Variants in TOMM22 observed in about 807,000 individuals in gnomAD.
TOMM22 encodes the protein mitochondrial import receptor subunit TOM22 homolog.
A neutral mutation model predicts 17.1 loss-of-function variants in TOMM22; 3 were observed. The observed-to-expected ratio is 0.18, with a 90% CI of 0.08 to 0.45. TOMM22 has a LOEUF of 0.45. Ranked by LOEUF, TOMM22 falls within the 20% of genes least tolerant of loss-of-function variation. The pLI is 0.99. For missense variants in TOMM22, 159 were observed against 179.5 expected (o/e 0.89, Z 0.65); for synonymous variants, 91 against 74.0 (o/e 1.23, Z -1.18).
rs1211911196 is a variant in TOMM22, at chr22:38,682,339, C to T, written c.134C>T (p.Ser45Leu). ...DDDEELDETL[S>L]ERLWGLTEMF... is the part of the protein sequence containing the mutation. ...CCACCACAGCTAGATGAGACCCTGTCGGAGAGACTATGGGGCCTGACGGAG... is the reference window on the plus strand; with the variant it reads ...CCACCACAGCTAGATGAGACCCTGTTGGAGAGACTATGGGGCCTGACGGAG... Residue 45 changes from serine (S) to leucine (L), a missense_variant, in exon 2 of 4, where the codon TCG becomes TTG. By Grantham distance (145) the Ser-to-Leu change is moderately radical. This residue lies in a region of TOMM22 where 107 missense variants were observed against 100.2 expected (regional missense o/e 1.07). Transcript: ENST00000216034. 1.9e-6 allele frequency: 3 copies of T among 1,614,066 alleles called. No homozygotes were observed. The highest frequency in any genetic ancestry group is 2.7e-5 in the African/African-American group (2 of 74,932).
chr22:38,682,652 AAGG>A (rs756988924), intron 2 of TOMM22, among the ~76,000 whole-genome samples: 17 of 151,984 alleles, frequency 1.1e-4, no homozygotes, highest in Non-Finnish European at 2.4e-4. Context: ...ATTAATGAAT[AAGG>A]AGCTTTGTAA....
chr22:38,682,585 A>T, intron 2 of TOMM22, 144 bp downstream of exon 2: 1 of 746,916 alleles, frequency 1.3e-6, no homozygotes, highest in Non-Finnish European at 2.2e-6. Flanking sequence ...CTTCTGTAAA[A>T]TGGGGATTCT....
Position 38,682,096 on chromosome 22 carries a change from G to T in TOMM22, c.117+1G>T, listed in dbSNP as rs2092480103. ...GCTGGAGGAGGACGACGATGAGGAG[G>T]TACTAGGGCCTCGCGGGGTGCAGAG... On this transcript the variant is annotated splice_donor_variant, in intron 1 of 3. Coordinates refer to ENST00000216034, the MANE Select transcript of TOMM22 (RefSeq NM_020243.5). LOFTEE classifies it high-confidence loss of function. 6.4e-7 allele frequency: 1 copy of T among 1,574,630 alleles called. No homozygotes were observed. Among genetic ancestry groups the T allele is most frequent in the African/African-American group, 1.4e-5 (1 of 74,048 alleles).
At chr22:38,683,292 G>A (rs929303511) in intron 3 of TOMM22, among the ~76,000 whole-genome samples, 2 of 152,280 alleles carry the variant, frequency 1.3e-5, no homozygotes, top group Admixed American at 1.3e-4. Context: ...AGTCCTGTCT[G>A]GGGGTGATGG....
rs769491169 is a variant in TOMM22, at chr22:38,682,756, C to T, written c.237-123C>T. 4.8e-4 allele frequency: 394 copies of T among 828,966 alleles called. 1 individual carries two copies. Among genetic ancestry groups the T allele is most frequent in the Admixed American group, 9.9e-4 (54 of 54,542 alleles). The allele number at this position is 828,966 out of a possible 1,614,324, so 51.4% of individuals were successfully genotyped here. A position where few individuals can be genotyped will look rare whatever the true frequency, so the allele number is the denominator to read the frequency against. Reference sequence around the variant, plus strand: ...TCTGGTAGGAGTATGGTGTAAGGAGCGGGTAGAATACGTTTATCAAAAACA... The same window carrying T: ...TCTGGTAGGAGTATGGTGTAAGGAGTGGGTAGAATACGTTTATCAAAAACA... On this transcript the variant is annotated intron_variant, in intron 2 of 3. Transcript: ENST00000216034.
intron 2 of TOMM22, 114 bp downstream of exon 2, chr22:38,682,555 CT>C: frequency 1.1e-6 from 1 of 894,410 alleles, no homozygotes; most frequent in Admixed American, 2.1e-5. Context: ...GGCTTGTACC[CT>C]ATCCTTTCTT....
At chr22:38,682,464 C>G (rs770090428) in intron 2 of TOMM22, 23 bp downstream of exon 2, 89 of 1,600,308 alleles carry the variant, frequency 5.6e-5, no homozygotes, top group Non-Finnish European at 7.5e-5. Flanking sequence ...GGCAAAGGCA[C>G]TGGGTACGTG....
intron 3 of TOMM22, among the ~76,000 whole-genome samples, chr22:38,683,285 C>T (rs919363098): frequency 6.6e-6 from 1 of 152,102 alleles, no homozygotes; most frequent in Non-Finnish European, 1.5e-5. Flanking sequence ...ACTAGACAGT[C>T]CTGTCTGGGG....
chr22:38,682,114 G>A lies in TOMM22; in HGVS notation c.117+19G>A. 4.5e-6 allele frequency: 7 copies of A among 1,559,602 alleles called. No individual in the cohort carries two copies. Among genetic ancestry groups the A allele is most frequent in the Non-Finnish European group, 6.1e-6 (7 of 1,149,766 alleles). On this transcript the variant is annotated intron_variant, in intron 1 of 3. Transcript: ENST00000216034. Reference sequence around the variant, plus strand: ...TGAGGAGGTACTAGGGCCTCGCGGGGTGCAGAGCGGGAAGCGGGCCCGCTC... The same window carrying A: ...TGAGGAGGTACTAGGGCCTCGCGGGATGCAGAGCGGGAAGCGGGCCCGCTC...
At chr22:38,683,142 C>CGG (rs57276769) in intron 3 of TOMM22, 146 bp downstream of exon 3, 852 of 41,528 alleles carry the variant, frequency 0.021, 13 homozygotes, top group African/African-American at 0.057. Context: ...GGCCGGGGGT[C>CGG]GGGGGGGGGG....
Position 38,684,042 on chromosome 22 carries a change from C to T in TOMM22, c.*201C>T. On this transcript the variant is annotated 3_prime_UTR_variant, in exon 4 of 4. Coordinates refer to ENST00000216034, the MANE Select transcript of TOMM22 (RefSeq NM_020243.5). The stretch of plus-strand genomic sequence containing the variant: ...CTCCACACTATCCTTACTTCTGTCT[C>T]CACTCTGATACCAGAGTGCAGCCAT... 1.8e-6 allele frequency: 1 copy of T among 549,170 alleles called. No homozygotes were observed. Among genetic ancestry groups the T allele is most frequent in the South Asian group, 2.4e-5 (1 of 41,102 alleles). 34.0% of individuals were successfully genotyped at this position (549,170 alleles called of 1,614,324 possible).
At position 38,683,962 on chromosome 22, in the gene TOMM22, T is replaced by A; in HGVS notation, c.*121T>A. The A allele has an allele frequency of 1.3e-6, 1 of 768,976 alleles. No individual in the cohort carries two copies. Among genetic ancestry groups the A allele is most frequent in the Admixed American group, 2.5e-5 (1 of 39,818 alleles). 47.6% of individuals were successfully genotyped at this position (768,976 alleles called of 1,614,324 possible). A position where few individuals can be genotyped will look rare whatever the true frequency, so the allele number is the denominator to read the frequency against. On this transcript the variant is annotated 3_prime_UTR_variant, in exon 4 of 4. Transcript: ENST00000216034. ...GGCACATTGATCTATCTAAACCTGG[T>A]GGGGAGAATTATCCCCACATTGTCT...
rs1719069945 is a variant in TOMM22, at chr22:38,684,263, A to G, written c.*422A>G. ...GCAGGACATGCACACAATGTGAAAC[A>G]GACAAAATGCATTACACCTGTAGTG... On this transcript the variant is annotated 3_prime_UTR_variant, in exon 4 of 4. Transcript: ENST00000216034. 1 of 172,484 alleles carries G rather than the reference A, an allele frequency of 5.8e-6. No individual in the cohort carries two copies. Among genetic ancestry groups the G allele is most frequent in the Non-Finnish European group, 1.3e-5 (1 of 79,212 alleles). 10.7% of individuals were successfully genotyped at this position (172,484 alleles called of 1,614,324 possible). A position where few individuals can be genotyped will look rare whatever the true frequency, so the allele number is the denominator to read the frequency against.
intron 3 of TOMM22, 21 bp downstream of exon 3, chr22:38,683,017 T>C: frequency 6.2e-7 from 1 of 1,605,020 alleles, no homozygotes; most frequent in African/African-American, 1.3e-5. Context: ...ACCTTGGGCT[T>C]TTTGCCAGTG....
At position 38,682,110 on chromosome 22, in the gene TOMM22, C is replaced by G. The variant is rs762356344; in HGVS notation, c.117+15C>G. The G allele has an allele frequency of 6.4e-7, 1 of 1,564,434 alleles. No individual in the cohort carries two copies. The highest frequency in any genetic ancestry group is 8.7e-7 in the Non-Finnish European group (1 of 1,153,488). On this transcript the variant is annotated intron_variant, in intron 1 of 3. Transcript: ENST00000216034. The stretch of plus-strand genomic sequence containing the variant: ...ACGATGAGGAGGTACTAGGGCCTCG[C>G]GGGGTGCAGAGCGGGAAGCGGGCCC...
rs190328889 is a variant in TOMM22, at chr22:38,683,197, C to G, written c.354+201C>G. Among the ~76,000 whole-genome samples the G allele has an allele frequency of 1.4e-3, 208 of 150,764 alleles. 2 individuals are homozygous for G. Among genetic ancestry groups the G allele is most frequent in the Admixed American group, 0.014 (205 of 15,090 alleles). ...ATTACATTTATTGTGCACTGAATTT[C>G]TATTATTACATTGTAATATATAATG... On this transcript the variant is annotated intron_variant, in intron 3 of 3. Coordinates refer to ENST00000216034, the MANE Select transcript of TOMM22 (RefSeq NM_020243.5).
At position 38,682,025 on chromosome 22, in the gene TOMM22, C is replaced by T; in HGVS notation, c.47C>T (p.Pro16Leu). The T allele has an allele frequency of 1.9e-6, 3 of 1,610,392 alleles. No homozygotes were observed. Among genetic ancestry groups the T allele is most frequent in the Admixed American group, 1.7e-5 (1 of 59,542 alleles). ...AAAGAGEPQS[P>L]DELLPKGDAE... The stretch of plus-strand genomic sequence containing the variant: ...GCCGGTGCAGGGGAACCCCAGTCCC[C>T]GGACGAATTGCTCCCGAAAGGCGAC... The change falls in exon 1 of 4, where the codon CCG becomes CTG. Residue 16 changes from proline (P) to leucine (L), a missense_variant. Pro to Leu is a moderately conservative substitution (Grantham distance 98). Coordinates refer to ENST00000216034, the MANE Select transcript of TOMM22 (RefSeq NM_020243.5).
intron 3 of TOMM22, among the ~76,000 whole-genome samples, chr22:38,683,391 T>G (rs2092485959): frequency 1.3e-5 from 2 of 152,110 alleles, no homozygotes; most frequent in Non-Finnish European, 2.9e-5. Flanking sequence ...GGGTTTGTGT[T>G]CCTATGAGAA....
At chr22:38,682,662 G>A (rs1368938929) in intron 2 of TOMM22, among the ~76,000 whole-genome samples, 3 of 151,900 alleles carry the variant, frequency 2.0e-5, no homozygotes, top group African/African-American at 7.3e-5. Context: ...AAGGAGCTTT[G>A]TAAGAACTCA....
Sources: allele counts gnomAD v4.1 joint callset (sites outside exome capture counted in the v4.1 genomes callset), GRCh38; gene constraint gnomAD v4.1.1; regional missense constraint gnomAD v4.1.1; transcripts MANE v1.5; gene names NCBI Gene and HGNC (gene_info 2026-07-23, HGNC 2026-07-21).